ATP8B1: variants seen among roughly 807,000 people sequenced by gnomAD.
ATP8B1 encodes ATPase phospholipid transporting 8B1.
A neutral mutation model predicts 149.9 loss-of-function variants in ATP8B1; 80 were observed. That is an observed-to-expected ratio of 0.53 (90% CI 0.45 to 0.64). The LOEUF is 0.64. ATP8B1 is among the 30% of genes least tolerant of loss of function. The pLI, the probability that ATP8B1 is intolerant of heterozygous loss-of-function variation, is 0.00. For synonymous variants in ATP8B1, 536 were observed against 562.8 expected (o/e 0.95, Z 0.67); for missense variants, 1,247 against 1,552.6 (o/e 0.80, Z 3.31).
intron 1 of ATP8B1, among the ~76,000 whole-genome samples, chr18:57,749,306 C>T (rs1281743668): frequency 1.3e-5 from 2 of 152,018 alleles, no homozygotes; most frequent in Non-Finnish European, 2.9e-5. Context: ...ACTTATGATT[C>T]TGACATAAAA....
chr18:57,787,753 T>G (rs1403847435), intron 1 of ATP8B1, among the ~76,000 whole-genome samples: 1 of 152,234 alleles, frequency 6.6e-6, no homozygotes, highest in East Asian at 1.9e-4. Context: ...GATACCTTTT[T>G]GAATGTCAGT....
intron 1 of ATP8B1, among the ~76,000 whole-genome samples, chr18:57,745,511 A>G (rs1262991723): frequency 2.0e-5 from 3 of 152,120 alleles, no homozygotes; most frequent in Non-Finnish European, 4.4e-5. Flanking sequence ...ACCTCAGGCG[A>G]TCTGCCTGCC....
At chr18:57,694,993 G>A (rs970865000) in intron 10 of ATP8B1, among the ~76,000 whole-genome samples, 178 bp downstream of exon 10, 4 of 124,236 alleles carry the variant, frequency 3.2e-5, no homozygotes, top group Non-Finnish European at 6.2e-5. Context: ...TTATGCCACT[G>A]CACTCCAGCC....
chr18:57,650,806 C>T (rs1909563931), intron 26 of ATP8B1, among the ~76,000 whole-genome samples: 1 of 151,998 alleles, frequency 6.6e-6, no homozygotes, highest in Non-Finnish European at 1.5e-5. Context: ...CACCGCACTC[C>T]AGCCTGGGTG....
At chr18:57,723,012 A>C (rs1278572375) in intron 2 of ATP8B1, among the ~76,000 whole-genome samples, 1 of 150,694 alleles carries the variant, frequency 6.6e-6, no homozygotes, top group Non-Finnish European at 1.5e-5. Context: ...TGATTATCTC[A>C]ATAGATGCAG....
At chr18:57,780,165 T>C (rs1483721992) in intron 1 of ATP8B1, among the ~76,000 whole-genome samples, 1 of 152,190 alleles carries the variant, frequency 6.6e-6, no homozygotes, top group Non-Finnish European at 1.5e-5. Context: ...TAGAGGAATG[T>C]TTAAAATCTG....
intron 1 of ATP8B1, among the ~76,000 whole-genome samples, chr18:57,765,711 T>G (rs917165071): frequency 1.3e-5 from 2 of 150,042 alleles, no homozygotes; most frequent in Non-Finnish European, 3.0e-5. Flanking sequence ...GCGCATTGGC[T>G]CACACCTGTA....
chr18:57,776,826 C>G (rs540020649), intron 1 of ATP8B1, among the ~76,000 whole-genome samples: 1 of 152,134 alleles, frequency 6.6e-6, no homozygotes, highest in Admixed American at 6.6e-5. Context: ...TTTTCACCCC[C>G]CTTCCCTCAA....
rs71171082 is a variant in ATP8B1 at position 57,746,467 on chromosome 18, C to CTTT, written c.-25-14638_-25-14636dup. ...TTAGGATTATGCCCACTGATGCTTA[C>CTTT]TTTTTTTTTTTTTTTTTTTTTTTTG... On this transcript the variant is annotated intron_variant, in intron 1 of 27. Coordinates refer to ENST00000648908, the MANE Select transcript of ATP8B1 (RefSeq NM_001374385.1). Among the ~76,000 whole-genome samples, 168 of 94,112 alleles carry CTTT rather than the reference C, an allele frequency of 1.8e-3. 1 individual carries two copies. Among genetic ancestry groups the CTTT allele is most frequent in the Middle Eastern group, 9.4e-3 (1 of 106 alleles). 61.7% of individuals were successfully genotyped at this position (94,112 alleles called of 152,430 possible).
In ATP8B1 at chr18:57,695,347, TTCACATAATTAA is replaced by T. The variant is rs769556582; in HGVS notation, c.782-30_782-19del. 1 of 1,593,720 alleles carries T rather than the reference TTCACATAATTAA, an allele frequency of 6.3e-7. No homozygotes were observed. The highest frequency in any genetic ancestry group is 1.3e-5 in the African/African-American group (1 of 74,346). On this transcript the variant is annotated intron_variant, in intron 9 of 27. Transcript: ENST00000648908. ...AATAAAACCTTTTAAAAATATAAGATTCACATAATTAATCACATACAAAAGTCTTTCTGGTTT... is the reference window on the plus strand; with the variant it reads ...AATAAAACCTTTTAAAAATATAAGATTCACATACAAAAGTCTTTCTGGTTT...
chr18:57,706,359 C>T lies in ATP8B1; in HGVS notation c.279+131G>A, dbSNP rs1363755610. On this transcript the variant is annotated intron_variant, in intron 3 of 27. Transcript: ENST00000648908. Reference sequence around the variant, plus strand: ...CAATAAAAATGACATTCTATAGAAACAATGATGATTATCAGTAGCCCCAGG... The same window carrying T: ...CAATAAAAATGACATTCTATAGAAATAATGATGATTATCAGTAGCCCCAGG... 1.8e-5 allele frequency: 13 copies of T among 736,768 alleles called. No homozygotes were observed. In the South Asian group the frequency reaches 2.0e-4, roughly 11 times the overall value. The allele number at this position is 736,768 out of a possible 1,614,324, so 45.6% of individuals were successfully genotyped here. A position where few individuals can be genotyped will look rare whatever the true frequency, so the allele number is the denominator to read the frequency against.
In ATP8B1 at chr18:57,756,112, T is replaced by C. The variant is rs747615758; in HGVS notation, c.-25-24280A>G. 9.9e-4 allele frequency among the ~76,000 whole-genome samples: 148 copies of C among 150,204 alleles called. 1 individual carries two copies. Among genetic ancestry groups the C allele is most frequent in the Non-Finnish European group, 2.8e-4 (19 of 67,780 alleles). On this transcript the variant is annotated intron_variant, in intron 1 of 27. Coordinates refer to ENST00000648908, the MANE Select transcript of ATP8B1 (RefSeq NM_001374385.1). ...CAATGATGTCAGTTATAGTATTATT[T>C]TTCCTCTAGCACAGGATCCAGTCTA...
intron 1 of ATP8B1, among the ~76,000 whole-genome samples, chr18:57,787,301 G>GAC (rs2080418808): frequency 6.6e-6 from 1 of 152,168 alleles, no homozygotes; most frequent in South Asian, 2.1e-4. Flanking sequence ...ATTTCCTTAT[G>GAC]ACACACACAC....
chr18:57,719,429 G>A (rs901432141), intron 2 of ATP8B1, among the ~76,000 whole-genome samples: 7 of 152,218 alleles, frequency 4.6e-5, no homozygotes, highest in Non-Finnish European at 7.3e-5. Flanking sequence ...GAAGCAAGGC[G>A]AGGCATTGCC....
intron 3 of ATP8B1, among the ~76,000 whole-genome samples, chr18:57,705,780 A>G (rs1463541353): frequency 1.3e-5 from 2 of 152,224 alleles, no homozygotes; most frequent in Non-Finnish European, 2.9e-5. Flanking sequence ...GTTTTAAGCC[A>G]TCCAGTTGTG....
At chr18:57,728,720 CA>C (rs2079731857) in intron 2 of ATP8B1, among the ~76,000 whole-genome samples, 2 of 107,676 alleles carry the variant, frequency 1.9e-5, no homozygotes, top group African/African-American at 3.9e-5. Context: ...CAAGACTGAG[CA>C]TTTTTTTTTT....
At chr18:57,758,525 G>GTAATCCCA (rs1267569969) in intron 1 of ATP8B1, among the ~76,000 whole-genome samples, 1 of 151,640 alleles carries the variant, frequency 6.6e-6, no homozygotes, top group African/African-American at 2.4e-5. Flanking sequence ...GTGCATGCCT[G>GTAATCCCA]TAATCCCAGC....
intron 1 of ATP8B1, among the ~76,000 whole-genome samples, chr18:57,756,269 TATTTACACAAC>T (rs2080080121): frequency 1.4e-5 from 1 of 69,684 alleles, no homozygotes; most frequent in African/African-American, 6.7e-5. Flanking sequence ...ATATATGAAA[TATTTACACAAC>T]ATATATATGT....
intron 22 of ATP8B1, among the ~76,000 whole-genome samples, chr18:57,658,603 A>G (rs1025036391): frequency 6.6e-6 from 1 of 150,448 alleles, no homozygotes; most frequent in Non-Finnish European, 1.5e-5. Context: ...ATTTCACTCG[A>G]CTACTTTATG....
Sources: allele counts gnomAD v4.1 joint callset (sites outside exome capture counted in the v4.1 genomes callset), GRCh38; gene constraint gnomAD v4.1.1; transcripts MANE v1.5; gene names NCBI Gene and HGNC (gene_info 2026-07-23, HGNC 2026-07-21).